The following RPTOR variants were observed in gnomAD, a reference collection of about 807,000 sequenced individuals.
RPTOR encodes the protein regulatory associated protein of MTOR complex 1, also known as regulatory-associated protein of mTOR.
Under a neutral mutation model 169.9 loss-of-function variants are expected in RPTOR, and 21 were observed. The ratio of observed to expected loss-of-function variants is 0.12; its 90% CI spans 0.09 to 0.18. RPTOR has a LOEUF of 0.18. Ranked by LOEUF, RPTOR falls within the 10% of genes least tolerant of loss-of-function variation. RPTOR has a pLI of 1.00. For missense variants in RPTOR, 1,133 were observed against 1,855.9 expected (o/e 0.61, Z 7.16); for synonymous variants, 732 against 753.2 (o/e 0.97, Z 0.46).
At chr17:80,625,590 G>A (rs2065386992) in intron 1 of RPTOR, 101 bp from the exon 2 acceptor site, 1 of 894,102 alleles carries the variant, frequency 1.1e-6, no homozygotes, top group Non-Finnish European at 1.8e-6. Flanking sequence ...GGTGGGTAGG[G>A]AAGGGGCTCA....
intron 20 of RPTOR, among the ~76,000 whole-genome samples, chr17:80,896,381 G>GCCGACACCCCACACA: frequency 7.4e-6 from 1 of 135,322 alleles, no homozygotes; most frequent in African/African-American, 2.8e-5. Context: ...CACCCCACGC[G>GCCGACACCCCACACA]GCCTCGCTGA....
intron 1 of RPTOR, among the ~76,000 whole-genome samples, chr17:80,578,955 C>T (rs1215265258): frequency 1.3e-5 from 2 of 152,188 alleles, no homozygotes; most frequent in Admixed American, 6.5e-5. Context: ...CAGGTTTGAA[C>T]TTCATGTGGT....
intron 21 of RPTOR, among the ~76,000 whole-genome samples, chr17:80,910,108 T>C (rs2068594385): frequency 6.6e-6 from 1 of 152,120 alleles, no homozygotes; most frequent in Non-Finnish European, 1.5e-5. Context: ...CTTGGAAGCT[T>C]TCCCCTCTCC....
At chr17:80,717,015 T>C (rs2066244516) in intron 4 of RPTOR, among the ~76,000 whole-genome samples, 1 of 152,206 alleles carries the variant, frequency 6.6e-6, no homozygotes, top group East Asian at 1.9e-4. Context: ...TTCCTCCAGA[T>C]TTGTTCTTTT....
chr17:80,902,339 G>A (rs768693891), intron 20 of RPTOR, among the ~76,000 whole-genome samples: 6 of 152,204 alleles, frequency 3.9e-5, no homozygotes, highest in South Asian at 2.1e-4. Context: ...AGCAGCAGCC[G>A]CTCCACTGCA....
intron 3 of RPTOR, among the ~76,000 whole-genome samples, chr17:80,676,456 C>G (rs553383257): frequency 9.9e-4 from 150 of 152,252 alleles, no homozygotes; most frequent in African/African-American, 3.5e-3. Flanking sequence ...CATCAGGGCC[C>G]CCGGGACCTC....
At chr17:80,839,839 G>A (rs1046918091) in intron 10 of RPTOR, among the ~76,000 whole-genome samples, 4 of 152,180 alleles carry the variant, frequency 2.6e-5, no homozygotes, top group Non-Finnish European at 4.4e-5. Context: ...CTTTCTAAAC[G>A]AATACTTAGG....
At chr17:80,587,783 T>C (rs1319340569) in intron 1 of RPTOR, among the ~76,000 whole-genome samples, 2 of 152,138 alleles carry the variant, frequency 1.3e-5, no homozygotes. Context: ...TCTTTTTTTT[T>C]TTTGGTGGTG....
chr17:80,757,951 C>T (rs1175052587), intron 6 of RPTOR, among the ~76,000 whole-genome samples: 1 of 152,110 alleles, frequency 6.6e-6, no homozygotes, highest in Non-Finnish European at 1.5e-5. Context: ...TATGAGTGCC[C>T]ATTTCACGTT....
Position 80,730,291 on chromosome 17 carries a change from A to G in RPTOR, c.508-269A>G, listed in dbSNP as rs1431047698. On this transcript the variant is annotated intron_variant, in intron 4 of 33. Coordinates refer to ENST00000306801, the MANE Select transcript of RPTOR (RefSeq NM_020761.3). This position sits in a 1 kb window ranked among gnomAD's most constrained non-coding sequence, Gnocchi z 4.2. Reference sequence around the variant, plus strand: ...CTGGCTAATTTTGTATTTTTAGTAGAGACTGGGTTTTACCATGTTGGCCAG... The same window carrying G: ...CTGGCTAATTTTGTATTTTTAGTAGGGACTGGGTTTTACCATGTTGGCCAG... 1.3e-5 allele frequency among the ~76,000 whole-genome samples: 2 copies of G among 152,036 alleles called. No homozygotes were observed. Among genetic ancestry groups the G allele is most frequent in the Non-Finnish European group, 2.9e-5 (2 of 68,014 alleles).
At chr17:80,876,662 G>GGT (rs2068118965) in intron 13 of RPTOR, among the ~76,000 whole-genome samples, 1 of 133,886 alleles carries the variant, frequency 7.5e-6, no homozygotes, top group Non-Finnish European at 1.6e-5. Flanking sequence ...TGCCACGCAG[G>GGT]GTGTGTGTGT....
intron 1 of RPTOR, among the ~76,000 whole-genome samples, chr17:80,615,544 C>CTA (rs2065303169): frequency 1.3e-5 from 2 of 152,224 alleles, no homozygotes; most frequent in South Asian, 4.1e-4. Context: ...CATGGGGCAT[C>CTA]TTAATGGACG....
chr17:80,635,073 A>G (rs1226090458), intron 2 of RPTOR, among the ~76,000 whole-genome samples: 1 of 152,040 alleles, frequency 6.6e-6, no homozygotes, highest in Admixed American at 6.5e-5. Context: ...GACAGTGACA[A>G]CCTTGGTATC....
intron 1 of RPTOR, among the ~76,000 whole-genome samples, chr17:80,586,651 A>G (rs1445338365): frequency 6.6e-6 from 1 of 152,114 alleles, no homozygotes; most frequent in African/African-American, 2.4e-5. Flanking sequence ...TTCAGCTGCC[A>G]GGCGGGAACT....
At chr17:80,597,539 T>C (rs981634131) in intron 1 of RPTOR, among the ~76,000 whole-genome samples, 5 of 152,158 alleles carry the variant, frequency 3.3e-5, no homozygotes, top group Non-Finnish European at 4.4e-5. Flanking sequence ...ATCCTTTTTG[T>C]TTGTTTTTGA....
chr17:80,656,498 ATGCAGAATGGGAC>A (rs1204463390), intron 3 of RPTOR, among the ~76,000 whole-genome samples: 4 of 152,266 alleles, frequency 2.6e-5, no homozygotes, highest in Non-Finnish European at 5.9e-5. Flanking sequence ...CTTGGGGCAG[ATGCAGAATGGGAC>A]TTTCACCTTT....
At chr17:80,920,158 T>G (rs1269306205) in intron 21 of RPTOR, among the ~76,000 whole-genome samples, 1 of 152,234 alleles carries the variant, frequency 6.6e-6, no homozygotes, top group Non-Finnish European at 1.5e-5. Context: ...CTGCAGCTCC[T>G]GCTCGCTGCG....
At chr17:80,616,636 A>G (rs575972294) in intron 1 of RPTOR, among the ~76,000 whole-genome samples, 38 of 152,186 alleles carry the variant, frequency 2.5e-4, no homozygotes, top group Non-Finnish European at 3.4e-4. Flanking sequence ...AAATTTTAGA[A>G]AATTAGCCAG....
At chr17:80,788,083 A>G (rs2067011843) in intron 6 of RPTOR, among the ~76,000 whole-genome samples, 1 of 152,144 alleles carries the variant, frequency 6.6e-6, no homozygotes, top group African/African-American at 2.4e-5. Context: ...CTGAGGCCAT[A>G]TGTGCCTCTG....
Sources: allele counts gnomAD v4.1 joint callset (sites outside exome capture counted in the v4.1 genomes callset), GRCh38; gene constraint gnomAD v4.1.1; non-coding constraint Gnocchi (gnomAD v3.1); transcripts MANE v1.5; gene names NCBI Gene and HGNC (gene_info 2026-07-23, HGNC 2026-07-21).